OPCML: variants seen among roughly 807,000 people sequenced by gnomAD.
OPCML encodes the protein opioid-binding protein/cell adhesion molecule.
Under a neutral mutation model 37.8 loss-of-function variants are expected in OPCML, and 13 were observed. That is an observed-to-expected ratio of 0.34 (90% confidence interval 0.22 to 0.55). The LOEUF is 0.55. Ranked by LOEUF, OPCML falls within the 20% of genes least tolerant of loss-of-function variation. The pLI is 0.91. For missense variants in OPCML, 341 were observed against 435.6 expected (o/e 0.78, Z 1.93); for synonymous variants, 176 against 168.8 (o/e 1.04, Z -0.33).
At chr11:132,762,846 C>T (rs962214022) in intron 2 of OPCML, among the ~76,000 whole-genome samples, 9 of 152,146 alleles carry the variant, frequency 5.9e-5, no homozygotes, top group African/African-American at 1.4e-4. Flanking sequence ...TGGTGTTCCA[C>T]GTGCCACTGA....
intron 1 of OPCML, among the ~76,000 whole-genome samples, chr11:133,090,452 A>G (rs1386194340): frequency 6.6e-6 from 1 of 152,230 alleles, no homozygotes; most frequent in African/African-American, 2.4e-5. Context: ...GACATTATCA[A>G]AGTGGTCATG....
At chr11:133,202,339 C>T (rs944284574) in intron 1 of OPCML, among the ~76,000 whole-genome samples, 1 of 152,136 alleles carries the variant, frequency 6.6e-6, no homozygotes, top group Non-Finnish European at 1.5e-5. Flanking sequence ...TCAGCTGGGG[C>T]GATTATTCCT....
intron 2 of OPCML, among the ~76,000 whole-genome samples, chr11:132,721,950 C>CTTTTTTTTTTTTTTTTTT (rs34325848): frequency 2.4e-5 from 2 of 82,782 alleles, no homozygotes; most frequent in Non-Finnish European, 4.3e-5. Context: ...CTTTCCTTCC[C>CTTTTTTTTTTTTTTTTTT]TTTTTTTTTT....
At chr11:132,452,187 G>T (rs1003701831) in intron 4 of OPCML, among the ~76,000 whole-genome samples, 4 of 152,188 alleles carry the variant, frequency 2.6e-5, no homozygotes, top group African/African-American at 9.7e-5. Context: ...AGTTGTTAAT[G>T]ACTTTTGTGT....
intron 2 of OPCML, among the ~76,000 whole-genome samples, chr11:132,825,990 G>A (rs1940303884): frequency 6.6e-6 from 1 of 152,112 alleles, no homozygotes; most frequent in African/African-American, 2.4e-5. Flanking sequence ...TCAGGGTTTT[G>A]TATGCTTTTC....
At chr11:132,809,754 C>G (rs1170063617) in intron 2 of OPCML, among the ~76,000 whole-genome samples, 1 of 152,138 alleles carries the variant, frequency 6.6e-6, no homozygotes, top group Non-Finnish European at 1.5e-5. Flanking sequence ...CCCCACTTCA[C>G]ACACTGATCT....
chr11:133,184,475 G>A (rs934357269), intron 1 of OPCML, among the ~76,000 whole-genome samples: 1 of 152,120 alleles, frequency 6.6e-6, no homozygotes, highest in African/African-American at 2.4e-5. Context: ...AGGACCTTCC[G>A]TGGGGAGGGA....
intron 2 of OPCML, among the ~76,000 whole-genome samples, chr11:132,673,675 A>T (rs1942575231): frequency 6.6e-6 from 1 of 152,104 alleles, no homozygotes; most frequent in Non-Finnish European, 1.5e-5. Context: ...TGAGTATTGG[A>T]AACTACACTT....
At chr11:132,515,758 TC>T (rs1375058239) in intron 4 of OPCML, among the ~76,000 whole-genome samples, 1 of 152,170 alleles carries the variant, frequency 6.6e-6, no homozygotes, top group Non-Finnish European at 1.5e-5. Context: ...GGAGGAATGA[TC>T]TTCTTCACAC....
At chr11:132,797,932 C>T (rs1262602064) in intron 2 of OPCML, among the ~76,000 whole-genome samples, 5 of 152,180 alleles carry the variant, frequency 3.3e-5, no homozygotes, top group South Asian at 2.1e-4. Flanking sequence ...AAGTTGGCCA[C>T]GTTGATTGAC....
intron 1 of OPCML, among the ~76,000 whole-genome samples, chr11:133,279,170 C>A (rs1222236786): frequency 6.6e-6 from 1 of 152,184 alleles, no homozygotes; most frequent in Non-Finnish European, 1.5e-5. Context: ...AAGTAAGCAG[C>A]AATCTCCCCT....
chr11:132,478,125 G>GCT (rs2096163750), intron 4 of OPCML, among the ~76,000 whole-genome samples: 1 of 152,162 alleles, frequency 6.6e-6, no homozygotes, highest in African/African-American at 2.4e-5. Context: ...TAAAATGAAG[G>GCT]TCAAGGCATG....
intron 4 of OPCML, among the ~76,000 whole-genome samples, chr11:132,453,032 G>A (rs1040053814): frequency 8.5e-5 from 13 of 152,136 alleles, no homozygotes; most frequent in African/African-American, 3.1e-4. Flanking sequence ...AGGCTGCCTA[G>A]AGTTGCTCAA....
intron 1 of OPCML, among the ~76,000 whole-genome samples, chr11:133,320,536 C>A (rs1943304474): frequency 6.6e-6 from 1 of 151,888 alleles, no homozygotes; most frequent in South Asian, 2.1e-4. Context: ...CTCAAAACAG[C>A]ATAAACATCT....
chr11:133,198,246 A>G (rs367640128), intron 1 of OPCML, among the ~76,000 whole-genome samples: 1 of 152,158 alleles, frequency 6.6e-6, no homozygotes, highest in Non-Finnish European at 1.5e-5. Flanking sequence ...CGCAGTGGGG[A>G]GATGTGTTTT....
Position 133,517,402 on chromosome 11 carries a change from C to T in OPCML, c.61+14862G>A, listed in dbSNP as rs549138586. ...GCTCATAAACAAGAATTTGGGAGCC[C>T]ACTGATAGTACAGCGGGTCTTAATT... is the stretch of plus-strand genomic sequence containing the variant. On this transcript the variant is annotated intron_variant, in intron 1 of 7. Transcript: ENST00000524381. Among the ~76,000 whole-genome samples, 20 of 152,248 alleles carry T rather than the reference C, an allele frequency of 1.3e-4. No individual in the cohort carries two copies. The South Asian group carries it at 4.1e-3, about 32-fold the overall frequency.
At chr11:133,269,529 T>G (rs1353454165) in intron 1 of OPCML, among the ~76,000 whole-genome samples, 1 of 152,244 alleles carries the variant, frequency 6.6e-6, no homozygotes. Flanking sequence ...ACTTTATTAC[T>G]CATTTATTGA....
intron 3 of OPCML, among the ~76,000 whole-genome samples, chr11:132,589,462 G>A (rs2096480600): frequency 6.6e-6 from 1 of 152,218 alleles, no homozygotes; most frequent in African/African-American, 2.4e-5. Flanking sequence ...TCCTCATGGA[G>A]AATTAAACAA....
intron 1 of OPCML, among the ~76,000 whole-genome samples, chr11:133,328,077 A>AGGTG (rs1943521544): frequency 6.6e-6 from 1 of 152,194 alleles, no homozygotes; most frequent in South Asian, 2.1e-4. Context: ...AAAACTAGCT[A>AGGTG]GGTGACCTTG....
Sources: allele counts gnomAD v4.1 joint callset (sites outside exome capture counted in the v4.1 genomes callset), GRCh38; gene constraint gnomAD v4.1.1; transcripts MANE v1.5; gene names NCBI Gene and HGNC (gene_info 2026-07-23, HGNC 2026-07-21).